The following SLC24A2 variants were observed in gnomAD, a reference collection of about 807,000 sequenced individuals.
The protein encoded by SLC24A2 is sodium/potassium/calcium exchanger 2.
Under a neutral mutation model 62.0 loss-of-function variants are expected in SLC24A2, and 36 were observed. The observed-to-expected ratio is 0.58, with a 90% CI of 0.44 to 0.77. The LOEUF (loss-of-function observed/expected upper bound fraction) is 0.77, where lower values mean the gene tolerates loss of function less well. Among genes scored for constraint, SLC24A2 ranks in the 30% least tolerant of loss-of-function variants. SLC24A2 has a pLI of 0.00. For missense variants in SLC24A2, 846 were observed against 817.9 expected, an observed-to-expected ratio of 1.03 and a Z score of -0.42; for synonymous variants, 358 against 294.0, an observed-to-expected ratio of 1.22 and a Z score of -2.23.
the SLC24A2 span, among the ~76,000 whole-genome samples, chr9:20,222,285 AT>A: frequency 1.3e-5 from 2 of 152,046 alleles, no homozygotes; most frequent in Non-Finnish European, 2.9e-5. Context: ...TCAAAAAAAA[AT>A]AAGCAAGAAA....
the SLC24A2 span, among the ~76,000 whole-genome samples, chr9:19,866,142 C>T: frequency 6.6e-6 from 1 of 152,176 alleles, no homozygotes; most frequent in Non-Finnish European, 1.5e-5. Flanking sequence ...ATCAAAACTA[C>T]AATGAGATGT....
the SLC24A2 span, among the ~76,000 whole-genome samples, chr9:20,201,403 A>G: frequency 1.3e-5 from 2 of 152,212 alleles, no homozygotes; most frequent in Non-Finnish European, 2.9e-5. Flanking sequence ...TGACATGGCA[A>G]AAAACCACAG....
At chr9:19,550,018 G>A in intron 8 of SLC24A2, 119 bp downstream of exon 8, 1 of 1,007,188 alleles carries the variant, frequency 9.9e-7, no homozygotes, top group Non-Finnish European at 1.6e-6. Flanking sequence ...TGGGGTATAT[G>A]TGAGATTTTG....
the SLC24A2 span, among the ~76,000 whole-genome samples, chr9:20,200,515 G>A: frequency 9.2e-5 from 14 of 152,236 alleles, no homozygotes; most frequent in African/African-American, 1.7e-4. Flanking sequence ...CTCCAACTCC[G>A]TGTAACGGAA....
intron 2 of SLC24A2, among the ~76,000 whole-genome samples, chr9:19,727,106 A>G (rs1821193727): frequency 6.6e-6 from 1 of 152,186 alleles, no homozygotes; most frequent in African/African-American, 2.4e-5. Context: ...TTATCAGGAA[A>G]GAAAAGAAAG....
the SLC24A2 span, among the ~76,000 whole-genome samples, chr9:19,837,577 G>T: frequency 1.3e-5 from 2 of 149,930 alleles, no homozygotes; most frequent in Admixed American, 6.7e-5. Flanking sequence ...GGGCAATCAG[G>T]CAGGAGAAGG....
the SLC24A2 span, among the ~76,000 whole-genome samples, chr9:19,820,931 A>G: frequency 2.6e-5 from 4 of 152,108 alleles, no homozygotes; most frequent in African/African-American, 9.7e-5. Flanking sequence ...CCCCAGCATC[A>G]TATTTGCATA....
chr9:19,573,482 TTAAACACACACACACACACACACACA>T lies in SLC24A2; in HGVS notation c.1229-39_1229-14del, dbSNP rs1835903353. On this transcript the variant is annotated splice_polypyrimidine_tract_variant and intron_variant, in intron 6 of 10. Coordinates refer to ENST00000341998, the MANE Select transcript of SLC24A2 (RefSeq NM_020344.4). Reference sequence around the variant, plus strand: ...AGCTCAATTTTTTCTGTGATATAATTTAAACACACACACACACACACACACACACACACACACACACACACACAGAG... The same window carrying T: ...AGCTCAATTTTTTCTGTGATATAATTCACACACACACACACACACACAGAG... The T allele has an allele frequency of 1.1e-6, 1 of 919,176 alleles. No homozygotes were observed. Among genetic ancestry groups the T allele is most frequent in the Non-Finnish European group, 1.7e-6 (1 of 574,474 alleles). 56.9% of individuals were successfully genotyped at this position (919,176 alleles called of 1,614,324 possible). A position where few individuals can be genotyped will look rare whatever the true frequency, so the allele number is the denominator to read the frequency against.
At chr9:19,725,406 G>C (rs1010497349) in intron 2 of SLC24A2, among the ~76,000 whole-genome samples, 4 of 152,282 alleles carry the variant, frequency 2.6e-5, no homozygotes, top group Non-Finnish European at 4.4e-5. Context: ...TAAGTAAGTA[G>C]TTTAGGTAAG....
chr9:20,006,088 T>C, the SLC24A2 span, among the ~76,000 whole-genome samples: 1 of 151,724 alleles, frequency 6.6e-6, no homozygotes. Context: ...AACTACATGA[T>C]ATACATAGTA....
intron 2 of SLC24A2, among the ~76,000 whole-genome samples, chr9:19,723,476 A>G (rs1021278313): frequency 7.2e-5 from 11 of 152,132 alleles, no homozygotes; most frequent in African/African-American, 2.2e-4. Context: ...ATTTACAGTC[A>G]AGGTTCCCCA....
rs925395503 is a variant in SLC24A2, at chr9:19,517,039, T to TA, written c.1737-638dup. On this transcript the variant is annotated intron_variant, in intron 10 of 10. Transcript: ENST00000341998. ...ACATTTGTGATGTGTGTGTTTTTCT[T>TA]AAAAAAAACTTTATTATATATTTTT... Among the ~76,000 whole-genome samples, 57 of 152,210 alleles carry TA rather than the reference T, an allele frequency of 3.7e-4. 1 individual carries two copies. In the South Asian group the frequency reaches 7.7e-3, roughly 21 times the overall value.
intron 9 of SLC24A2, among the ~76,000 whole-genome samples, chr9:19,522,376 T>G (rs759962525): frequency 2.6e-5 from 4 of 152,164 alleles, no homozygotes; most frequent in African/African-American, 9.7e-5. Flanking sequence ...GATAATGCTT[T>G]CCATCTGGTT....
At chr9:20,065,571 A>G in the SLC24A2 span, among the ~76,000 whole-genome samples, 1 of 152,322 alleles carries the variant, frequency 6.6e-6, no homozygotes, top group Non-Finnish European at 1.5e-5. Flanking sequence ...TGACATGGGC[A>G]TTGTTATAAC....
chr9:19,561,638 T>TTGTGTTAG (rs1835409674), intron 7 of SLC24A2, among the ~76,000 whole-genome samples: 1 of 151,318 alleles, frequency 6.6e-6, no homozygotes, highest in Admixed American at 6.6e-5. Flanking sequence ...ATTTCACCCA[T>TTGTGTTAG]CCAGGATGGT....
chr9:20,128,402 A>G, the SLC24A2 span, among the ~76,000 whole-genome samples: 1 of 152,128 alleles, frequency 6.6e-6, no homozygotes, highest in African/African-American at 2.4e-5. Context: ...AATAGAGACT[A>G]TATATAATTC....
chr9:19,737,366 T>C (rs769364962), intron 2 of SLC24A2, among the ~76,000 whole-genome samples: 4 of 152,206 alleles, frequency 2.6e-5, no homozygotes, highest in African/African-American at 9.6e-5. Context: ...AAGATTATTA[T>C]ATTTAATTAT....
chr9:19,988,722 AC>A, the SLC24A2 span, among the ~76,000 whole-genome samples: 2 of 152,190 alleles, frequency 1.3e-5, no homozygotes, highest in Non-Finnish European at 2.9e-5. Context: ...TTGTGGAAGT[AC>A]CAATGCAGGC....
chr9:19,519,387 C>A (rs1412125802), intron 10 of SLC24A2, among the ~76,000 whole-genome samples: 2 of 149,366 alleles, frequency 1.3e-5, no homozygotes, highest in African/African-American at 2.5e-5. Context: ...ATGTATACAA[C>A]TTAAGAATAA....
Sources: allele counts gnomAD v4.1 joint callset (sites outside exome capture counted in the v4.1 genomes callset), GRCh38; gene constraint gnomAD v4.1.1; transcripts MANE v1.5; gene names NCBI Gene and HGNC (gene_info 2026-07-23, HGNC 2026-07-21).